Variants in IL1RL2 observed in about 807,000 individuals in gnomAD.
IL1RL2 encodes the protein interleukin 1 receptor like 2.
IL1RL2 carries 68 observed loss-of-function variants against 66.8 expected under a neutral mutation model. The ratio of observed to expected loss-of-function variants is 1.02; its 90% confidence interval spans 0.84 to 1.25. IL1RL2 has a LOEUF of 1.25. Among genes scored for constraint, IL1RL2 ranks in the 50% most tolerant of loss-of-function variants. The pLI is 0.00. For synonymous variants in IL1RL2, 305 were observed against 264.6 expected (o/e 1.15, Z -1.48); for missense variants, 729 against 709.3 (o/e 1.03, Z -0.32).
At chr2:102,237,640 C>G (rs536292450) in intron 11 of IL1RL2, among the ~76,000 whole-genome samples, 2 of 152,128 alleles carry the variant, frequency 1.3e-5, no homozygotes, top group African/African-American at 2.4e-5. Context: ...AGAGAGAAAT[C>G]GAGATGCAAA....
chr2:102,232,501 A>G (rs1168980614), intron 9 of IL1RL2, among the ~76,000 whole-genome samples: 1 of 152,112 alleles, frequency 6.6e-6, no homozygotes, highest in African/African-American at 2.4e-5. Context: ...CTTTTTGAAA[A>G]TTATTTTCTT....
At chr2:102,200,117 CAAAAAAAAAA>C (rs35208716) in intron 4 of IL1RL2, among the ~76,000 whole-genome samples, 1 of 95,148 alleles carries the variant, frequency 1.1e-5, no homozygotes, top group Non-Finnish European at 2.1e-5. Flanking sequence ...CCTGTTCCAG[CAAAAAAAAAA>C]AAAAAAAAAA....
chr2:102,206,015 C>T (rs1033577865), intron 5 of IL1RL2, among the ~76,000 whole-genome samples: 1 of 152,038 alleles, frequency 6.6e-6, no homozygotes, highest in African/African-American at 2.4e-5. Flanking sequence ...ATACATTCCT[C>T]TATTAAAGGA....
At chr2:102,201,025 C>T (rs564741622) in intron 4 of IL1RL2, among the ~76,000 whole-genome samples, 72 of 152,144 alleles carry the variant, frequency 4.7e-4, no homozygotes, top group African/African-American at 1.5e-3. Flanking sequence ...TAATTGGGCC[C>T]GCAAGGCAGT....
At position 102,235,159 on chromosome 2, in the gene IL1RL2, G is replaced by A. The variant is rs1400612421; in HGVS notation, c.1560G>A (p.Gln520=). ...AIRWHGDFTE[Q]SQCMKTKFWK... ...GGTGGCATGGGGACTTCACGGAGCA[G>A]TCACAGTGTATGAAGACCAAGTTTT... The change falls in exon 11 of 12, where the codon CAG becomes CAA. Residue 520 remains glutamine (Q), a synonymous_variant. Transcript: ENST00000264257. The A allele has an allele frequency of 1.2e-6, 2 of 1,614,242 alleles. No homozygotes were observed. Among genetic ancestry groups the A allele is most frequent in the Non-Finnish European group, 1.7e-6 (2 of 1,180,046 alleles).
At chr2:102,192,718 C>G (rs939207548) in intron 4 of IL1RL2, among the ~76,000 whole-genome samples, 3 of 152,148 alleles carry the variant, frequency 2.0e-5, no homozygotes, top group Non-Finnish European at 4.4e-5. Flanking sequence ...TAACTCTTGG[C>G]ATGGAGGAGC....
intron 6 of IL1RL2, among the ~76,000 whole-genome samples, chr2:102,214,910 G>T (rs985087161): frequency 1.3e-5 from 2 of 152,182 alleles, no homozygotes; most frequent in Admixed American, 1.3e-4. Flanking sequence ...GTCTGAAGGA[G>T]GGCGCTGGAG....
intron 8 of IL1RL2, among the ~76,000 whole-genome samples, chr2:102,222,241 C>T (rs1419382018): frequency 6.6e-6 from 1 of 152,080 alleles, no homozygotes; most frequent in African/African-American, 2.4e-5. Flanking sequence ...GTATCCTAGT[C>T]CATTGAATAA....
At chr2:102,209,272 G>T (rs1015953663) in intron 5 of IL1RL2, among the ~76,000 whole-genome samples, 1 of 152,112 alleles carries the variant, frequency 6.6e-6, no homozygotes, top group African/African-American at 2.4e-5. Context: ...GTGAATCTAG[G>T]GGTTAAATGG....
At chr2:102,187,482 G>A (rs1453011357) in intron 1 of IL1RL2, 8 of 826,528 alleles carry the variant, frequency 9.7e-6, no homozygotes, top group Non-Finnish European at 9.6e-6. Context: ...CCCACGTCTG[G>A]AACCCAGGCC....
In IL1RL2 at chr2:102,201,673, G is replaced by A. The variant is rs138453799; in HGVS notation, c.607G>A (p.Gly203Arg). 1.9e-6 allele frequency: 3 copies of A among 1,614,106 alleles called. No individual in the cohort carries two copies. ...YACQAILTHS[G>R]KQYEVLNGIT... ...GTGTCAAGCCATACTGACACACTCA[G>A]GGAAGCAGTACGAGGTTTTAAATGG... Residue 203 changes from glycine to arginine, a missense_variant, in exon 5 of 12, where the codon GGG becomes AGG. Transcript: ENST00000264257.
At chr2:102,223,893 G>GT (rs2104851743) in intron 8 of IL1RL2, among the ~76,000 whole-genome samples, 1 of 152,352 alleles carries the variant, frequency 6.6e-6, no homozygotes, top group East Asian at 1.9e-4. Flanking sequence ...TATGATTGAA[G>GT]TGAGAGGTTC....
chr2:102,215,391 C>T (rs1327754679), intron 6 of IL1RL2, among the ~76,000 whole-genome samples: 1 of 152,140 alleles, frequency 6.6e-6, no homozygotes, highest in Non-Finnish European at 1.5e-5. Flanking sequence ...GCTACAACTC[C>T]AAAATCCTGG....
Position 102,225,924 on chromosome 2 carries a change from G to A in IL1RL2, c.1018G>A (p.Gly340Arg). 6.3e-7 allele frequency: 1 copy of A among 1,599,160 alleles called. No homozygotes were observed. Among genetic ancestry groups the A allele is most frequent in the Non-Finnish European group, 8.5e-7 (1 of 1,172,766 alleles). ...PAPDFRAYLI[G>R]GLIALVAVAV... is the part of the protein sequence containing the mutation. ...TCCGGATTTTCGAGCTTACTTGATA[G>A]GAGGGCTTATCGCCTTGGTGGCTGT... is the stretch of plus-strand genomic sequence containing the variant. Residue 340 changes from glycine (G) to arginine (R), a missense_variant, in exon 9 of 12, where the codon GGA becomes AGA. Coordinates refer to ENST00000264257, the MANE Select transcript of IL1RL2 (RefSeq NM_003854.4).
chr2:102,220,113 G>C lies in IL1RL2; in HGVS notation c.991+96G>C, dbSNP rs551790496. The C allele has an allele frequency of 3.5e-6, 4 of 1,130,426 alleles. No homozygotes were observed. The East Asian group carries it at 9.9e-5, about 28-fold the overall frequency. 70.0% of individuals were successfully genotyped at this position (1,130,426 alleles called of 1,614,324 possible). ...CAGTGACTCTAAATGCTCAGTGTGA[G>C]GCATGAGGGTGATATTAAAGGGACA... On this transcript the variant is annotated intron_variant, in intron 8 of 11. Transcript: ENST00000264257.
chr2:102,217,174 T>A (rs2104822912), intron 6 of IL1RL2, among the ~76,000 whole-genome samples: 1 of 152,320 alleles, frequency 6.6e-6, no homozygotes, highest in Admixed American at 6.5e-5. Flanking sequence ...CCTTAGTTTT[T>A]GCTTGTCTGG....
chr2:102,207,967 T>A (rs904923460), intron 5 of IL1RL2, among the ~76,000 whole-genome samples: 1 of 152,220 alleles, frequency 6.6e-6, no homozygotes, highest in Middle Eastern at 3.2e-3. Flanking sequence ...GTTCCCTCCA[T>A]GAGCCCGTGG....
chr2:102,189,163 C>A lies in IL1RL2; in HGVS notation c.146C>A (p.Ser49Tyr). The A allele has an allele frequency of 6.2e-7, 1 of 1,614,064 alleles. No individual in the cohort carries two copies. Among genetic ancestry groups the A allele is most frequent in the South Asian group, 1.1e-5 (1 of 91,088 alleles). Residue 49 changes from serine (S) to tyrosine (Y), a missense_variant, in exon 3 of 12, where the codon TCT becomes TAT. Ser to Tyr is a moderately radical substitution (Grantham distance 144). Coordinates refer to ENST00000264257, the MANE Select transcript of IL1RL2 (RefSeq NM_003854.4). Reference sequence around the variant, plus strand: ...AATTGTACATTCCCTCCCATAACATCTGGGGAAGTCAGTGTAACATGGTAT... The same window carrying A: ...AATTGTACATTCCCTCCCATAACATATGGGGAAGTCAGTGTAACATGGTAT... ...AFNCTFPPIT[S>Y]GEVSVTWYKN...
At chr2:102,202,348 A>G (rs1037256242) in intron 5 of IL1RL2, among the ~76,000 whole-genome samples, 7 of 151,558 alleles carry the variant, frequency 4.6e-5, no homozygotes, top group Non-Finnish European at 8.8e-5. Flanking sequence ...ATATATATTT[A>G]TATATAGTAT....
Sources: allele counts gnomAD v4.1 joint callset (sites outside exome capture counted in the v4.1 genomes callset), GRCh38; gene constraint gnomAD v4.1.1; transcripts MANE v1.5; gene names NCBI Gene and HGNC (gene_info 2026-07-23, HGNC 2026-07-21).